The following TSPAN16 variants were observed in gnomAD, a reference collection of about 807,000 sequenced individuals.
The protein encoded by TSPAN16 is tetraspanin-16.
In TSPAN16, 23 loss-of-function variants were observed where a neutral mutation model predicts 25.2. That is an observed-to-expected ratio of 0.91 (90% confidence interval 0.66 to 1.29). The LOEUF is 1.29. Ranked by LOEUF, TSPAN16 falls within the 50% of genes most tolerant of loss-of-function variation. TSPAN16 has a pLI of 0.00. For missense variants in TSPAN16, 272 were observed against 299.9 expected, an observed-to-expected ratio of 0.91 and a Z score of 0.69; for synonymous variants, 123 against 124.4, an observed-to-expected ratio of 0.99 and a Z score of 0.08.
At chr19:11,297,285 T>A (rs905067100) in intron 1 of TSPAN16, among the ~76,000 whole-genome samples, 2 of 152,066 alleles carry the variant, frequency 1.3e-5, no homozygotes, top group African/African-American at 2.4e-5. Context: ...GAGATCCCCA[T>A]CTCTATTTAA....
chr19:11,314,454 C>T (rs2080724518), intron 6 of TSPAN16, among the ~76,000 whole-genome samples: 1 of 152,274 alleles, frequency 6.6e-6, no homozygotes, highest in East Asian at 1.9e-4. Context: ...AGTGTCTTTT[C>T]TGCAAATCGC....
At chr19:11,302,669 A>ATATATGTGTG (rs1555703605) in intron 4 of TSPAN16, among the ~76,000 whole-genome samples, 1 of 127,130 alleles carries the variant, frequency 7.9e-6, no homozygotes, top group African/African-American at 4.1e-5. Context: ...ACATATATAT[A>ATATATGTGTG]TATATATATA....
downstream of TSPAN16, among the ~76,000 whole-genome samples, chr19:11,319,584 C>T (rs1055725340): frequency 6.6e-6 from 1 of 151,166 alleles, no homozygotes; most frequent in Non-Finnish European, 1.5e-5. Context: ...GGCGACAGAG[C>T]GAGACTCTGT....
intron 4 of TSPAN16, among the ~76,000 whole-genome samples, chr19:11,302,248 C>T (rs1423101077): frequency 6.6e-6 from 1 of 152,082 alleles, no homozygotes; most frequent in Non-Finnish European, 1.5e-5. Flanking sequence ...CCATGAAACG[C>T]TCACTCCACA....
intron 1 of TSPAN16, among the ~76,000 whole-genome samples, chr19:11,297,814 C>G (rs570145218): frequency 6.6e-6 from 1 of 151,872 alleles, no homozygotes; most frequent in South Asian, 2.1e-4. Context: ...TTTTTTGAGA[C>G]AAGGTCTTGA....
chr19:11,302,632 TAC>T (rs1363360915), intron 4 of TSPAN16, among the ~76,000 whole-genome samples: 2 of 142,800 alleles, frequency 1.4e-5, no homozygotes, highest in Admixed American at 7.3e-5. Context: ...AATATATATA[TAC>T]ACACATACAT....
intron 3 of TSPAN16, among the ~76,000 whole-genome samples, chr19:11,299,985 GAAAA>G (rs60293071): frequency 7.4e-5 from 8 of 107,762 alleles, no homozygotes; most frequent in Admixed American, 6.8e-4. Flanking sequence ...CTCAAAAAAA[GAAAA>G]AAAAAAAAAA....
chr19:11,315,895 TCTCAGTTTTATTTCTCTGTGGCA>T lies in TSPAN16; in HGVS notation c.*62_*84del. The stretch of plus-strand genomic sequence containing the variant: ...GCCCATCTGGCTGCTGGAGATTCAG[TCTCAGTTTTATTTCTCTGTGGCA>T]CTCACTGCTTCTGGAGGGGAGACTG... On this transcript the variant is annotated 3_prime_UTR_variant, in exon 7 of 7. Transcript: ENST00000590327. 8.1e-7 allele frequency: 1 copy of T among 1,231,646 alleles called. No individual in the cohort carries two copies. The highest frequency in any genetic ancestry group is 3.2e-5 in the East Asian group (1 of 31,676). The allele number at this position is 1,231,646 out of a possible 1,614,324, so 76.3% of individuals were successfully genotyped here.
intron 1 of TSPAN16, 32 bp from the exon 2 acceptor site, chr19:11,298,110 A>G (rs763294103): frequency 2.5e-6 from 4 of 1,608,698 alleles, no homozygotes; most frequent in Non-Finnish European, 3.4e-6. Context: ...CTAACAGATT[A>G]CTTTTCTTCC....
chr19:11,320,119 G>T (rs2080769291), downstream of TSPAN16, among the ~76,000 whole-genome samples: 1 of 89,730 alleles, frequency 1.1e-5, no homozygotes, highest in South Asian at 3.1e-4. Context: ...CGCCCGGCCA[G>T]GACTTTTTTT....
At chr19:11,309,486 C>A (rs568485539) in intron 5 of TSPAN16, among the ~76,000 whole-genome samples, 1 of 152,360 alleles carries the variant, frequency 6.6e-6, no homozygotes, top group Non-Finnish European at 1.5e-5. Flanking sequence ...GCCTCACCGC[C>A]TTTGCACAGG....
At chr19:11,313,597 TAG>T (rs771840224) in intron 6 of TSPAN16, among the ~76,000 whole-genome samples, 5 of 150,566 alleles carry the variant, frequency 3.3e-5, no homozygotes, top group Non-Finnish European at 7.4e-5. Context: ...AGGATTCAAA[TAG>T]AGATTTTTAT....
At chr19:11,314,121 A>T (rs1346953744) in intron 6 of TSPAN16, among the ~76,000 whole-genome samples, 2 of 152,222 alleles carry the variant, frequency 1.3e-5, no homozygotes, top group African/African-American at 4.8e-5. Flanking sequence ...TCCATTATAT[A>T]AAATGTTCAG....
intron 6 of TSPAN16, chr19:11,322,617 A>G (rs541384739): frequency 2.6e-5 from 4 of 152,332 alleles, no homozygotes; most frequent in Admixed American, 1.3e-4. Context: ...ACCATTTCCA[A>G]TTAAACCTCA....
intron 4 of TSPAN16, among the ~76,000 whole-genome samples, chr19:11,304,003 A>G (rs1411656503): frequency 1.3e-5 from 2 of 151,110 alleles, no homozygotes; most frequent in South Asian, 2.1e-4. Context: ...GCTGGTCTCA[A>G]ATTTTTGACC....
intron 5 of TSPAN16, among the ~76,000 whole-genome samples, chr19:11,310,653 G>T (rs143334977): frequency 1.3e-5 from 2 of 152,224 alleles, no homozygotes; most frequent in African/African-American, 4.8e-5. Flanking sequence ...GAGGAAAGAA[G>T]AGTACCCAAA....
chr19:11,320,939 G>A (rs1156818674), downstream of TSPAN16, among the ~76,000 whole-genome samples: 1 of 152,044 alleles, frequency 6.6e-6, no homozygotes, highest in Non-Finnish European at 1.5e-5. Flanking sequence ...GGGAGGCCAA[G>A]GTGGGCAGAT....
intron 5 of TSPAN16, among the ~76,000 whole-genome samples, chr19:11,310,134 G>A (rs1416046980): frequency 6.6e-6 from 1 of 151,988 alleles, no homozygotes; most frequent in African/African-American, 2.4e-5. Context: ...GTGAAAGGGG[G>A]CACGGAACAG....
Position 11,306,678 on chromosome 19 carries a change from C to A in TSPAN16, c.525C>A (p.Tyr175Ter). The A allele has an allele frequency of 6.2e-7, 1 of 1,614,044 alleles. No homozygotes were observed. The highest frequency in any genetic ancestry group is 2.2e-5 in the East Asian group (1 of 44,890). Residue 175 changes from tyrosine (Y) to a stop codon, truncating the protein, a stop_gained, in exon 5 of 7, where the codon TAC becomes TAA. Coordinates refer to ENST00000590327, the MANE Select transcript of TSPAN16 (RefSeq NM_001282509.2). LOFTEE classifies it high-confidence loss of function. ...TCGAAATGACAACGGGCCACACCTA[C>A]CCCAGGAGTTGCTGTAAATCCATCG... Reference protein sequence around the residue: ...SSFEMTTGHTYPRSCCKSIGS... With the variant: ...SSFEMTTGHT
Sources: allele counts gnomAD v4.1 joint callset (sites outside exome capture counted in the v4.1 genomes callset), GRCh38; gene constraint gnomAD v4.1.1; transcripts MANE v1.5; gene names NCBI Gene and HGNC (gene_info 2026-07-23, HGNC 2026-07-21).